The following TOP6BL variants were observed in gnomAD, a reference collection of about 807,000 sequenced individuals.
TOP6BL encodes the protein TOP6B like initiator of meiotic double strand breaks.
At chr11:66,804,796 G>T in the TOP6BL span, among the ~76,000 whole-genome samples, 3 of 152,066 alleles carry the variant, frequency 2.0e-5, no homozygotes, top group Non-Finnish European at 4.4e-5. Context: ...ATTAGGCCGG[G>T]CGTGGTGGCT....
the TOP6BL span, among the ~76,000 whole-genome samples, chr11:66,774,699 C>T: frequency 5.2e-4 from 79 of 152,132 alleles, no homozygotes; most frequent in Non-Finnish European, 1.8e-4. Flanking sequence ...TCTCGATCTC[C>T]TGACCTCGTG....
chr11:66,828,301 C>G, the TOP6BL span: 3 of 1,613,832 alleles, frequency 1.9e-6, no homozygotes, highest in Non-Finnish European at 2.5e-6. Flanking sequence ...CCAAACTGCA[C>G]AAAGTATTTC....
chr11:66,781,249 T>C, the TOP6BL span, among the ~76,000 whole-genome samples: 2 of 152,246 alleles, frequency 1.3e-5, no homozygotes, highest in African/African-American at 4.8e-5. Context: ...CTTCAGTCTT[T>C]TTTTTCTTTA....
chr11:66,750,508 A>G, the TOP6BL span, among the ~76,000 whole-genome samples: 2 of 152,146 alleles, frequency 1.3e-5, no homozygotes, highest in East Asian at 3.9e-4. Context: ...AGATCGCACC[A>G]CTGCACTCCA....
the TOP6BL span, among the ~76,000 whole-genome samples, chr11:66,767,095 T>C: frequency 4.6e-5 from 7 of 152,170 alleles, no homozygotes; most frequent in Admixed American, 4.6e-4. Context: ...TTATTTATTA[T>C]TATATTAGGT....
the TOP6BL span, among the ~76,000 whole-genome samples, chr11:66,831,035 C>T: frequency 6.6e-6 from 1 of 152,040 alleles, no homozygotes; most frequent in South Asian, 2.1e-4. Flanking sequence ...CATCATCAGT[C>T]ACAACAAAGG....
At chr11:66,779,639 TGACCC>T in the TOP6BL span, among the ~76,000 whole-genome samples, 1 of 152,210 alleles carries the variant, frequency 6.6e-6, no homozygotes, top group Non-Finnish European at 1.5e-5. Flanking sequence ...AAATACCATT[TGACCC>T]CGCCATCCCA....
At chr11:66,746,033 A>G in the TOP6BL span, among the ~76,000 whole-genome samples, 1 of 151,936 alleles carries the variant, frequency 6.6e-6, no homozygotes, top group East Asian at 2.0e-4. Context: ...CTGGTCTTGA[A>G]CTTCTGACCT....
chr11:66,841,908 TCATC>T, the TOP6BL span, among the ~76,000 whole-genome samples: 1 of 152,330 alleles, frequency 6.6e-6, no homozygotes, highest in African/African-American at 2.4e-5. Flanking sequence ...ATATCACTCT[TCATC>T]CTTCAAAACC....
the TOP6BL span, among the ~76,000 whole-genome samples, chr11:66,793,210 C>A: frequency 5.9e-5 from 9 of 151,748 alleles, no homozygotes; most frequent in African/African-American, 2.2e-4. Flanking sequence ...CTTAGCCTCC[C>A]AAGTAGCTGG....
chr11:66,750,367 A>T, the TOP6BL span, among the ~76,000 whole-genome samples: 1 of 152,010 alleles, frequency 6.6e-6, no homozygotes, highest in Non-Finnish European at 1.5e-5. Flanking sequence ...TCCAAAATGG[A>T]GAAACCCTGT....
the TOP6BL span, among the ~76,000 whole-genome samples, chr11:66,745,529 T>G: frequency 6.6e-6 from 1 of 152,190 alleles, no homozygotes; most frequent in African/African-American, 2.4e-5. Flanking sequence ...CGTGTGCTCA[T>G]TTCATTACCC....
At chr11:66,778,991 A>G in the TOP6BL span, among the ~76,000 whole-genome samples, 1 of 152,222 alleles carries the variant, frequency 6.6e-6, no homozygotes, top group Admixed American at 6.5e-5. Context: ...TCCCTTCCTT[A>G]CACCTTATAC....
the TOP6BL span, chr11:66,838,284 T>C: frequency 8.1e-7 from 1 of 1,238,916 alleles, no homozygotes; most frequent in Non-Finnish European, 1.2e-6. Context: ...GTGAGGTCAG[T>C]GAAGCCACCA....
At chr11:66,745,933 C>A in the TOP6BL span, among the ~76,000 whole-genome samples, 1 of 152,228 alleles carries the variant, frequency 6.6e-6, no homozygotes, top group African/African-American at 2.4e-5. Flanking sequence ...GTCTCAGCCT[C>A]CCGAGTAGCT....
chr11:66,774,897 G>A, the TOP6BL span, among the ~76,000 whole-genome samples: 3 of 151,766 alleles, frequency 2.0e-5, no homozygotes, highest in Non-Finnish European at 2.9e-5. Flanking sequence ...GCAGATTACC[G>A]GAGGTGGGAG....
At chr11:66,786,083 G>A in the TOP6BL span, among the ~76,000 whole-genome samples, 1 of 152,160 alleles carries the variant, frequency 6.6e-6, no homozygotes, top group African/African-American at 2.4e-5. Context: ...CAGATCACTT[G>A]AGGCCAAGAG....
At chr11:66,843,324 AGTCCTCTTCCGC>A in the TOP6BL span, 2 of 1,513,828 alleles carry the variant, frequency 1.3e-6, no homozygotes, top group Non-Finnish European at 1.8e-6. Context: ...GCGCTCACCA[AGTCCTCTTCCGC>A]GTCTGCTTCC....
chr11:66,793,409 T>C, the TOP6BL span, among the ~76,000 whole-genome samples: 1 of 151,664 alleles, frequency 6.6e-6, no homozygotes, highest in South Asian at 2.1e-4. Flanking sequence ...TGTTAATTTT[T>C]TCAAATACTT....
Sources: allele counts gnomAD v4.1 joint callset (sites outside exome capture counted in the v4.1 genomes callset), GRCh38; gene constraint gnomAD v4.1.1; transcripts MANE v1.5; gene names NCBI Gene and HGNC (gene_info 2026-07-23, HGNC 2026-07-21).